Variants in ZACN observed in about 807,000 individuals in gnomAD.
ZACN encodes the protein ligand-gated cation channel ZACN.
In ZACN, 52 loss-of-function variants were observed where a neutral mutation model predicts 38.9. The observed-to-expected ratio is 1.34, with a 90% CI of 1.07 to 1.68. The LOEUF (loss-of-function observed/expected upper bound fraction) is 1.68. ZACN is among the 40% of genes most tolerant of loss of function. The pLI is 0.00. For synonymous variants in ZACN, 235 were observed against 227.4 expected, an observed-to-expected ratio of 1.03 and a Z score of -0.30; for missense variants, 559 against 525.6, an observed-to-expected ratio of 1.06 and a Z score of -0.62.
intron 8 of ZACN, 69 bp downstream of exon 8, chr17:76,082,118 G>T: frequency 3.3e-6 from 5 of 1,510,592 alleles, no homozygotes; most frequent in Non-Finnish European, 4.4e-6. Flanking sequence ...AGGGCACGGA[G>T]GTCCAGGTGT....
Position 76,081,933 on chromosome 17 carries a change from CTG to C in ZACN, c.935_936del (p.Val312AlafsTer37), listed in dbSNP as rs2066998004. ...CTGCTCTTCCTCAGCACCATAGAGA[CTG>C]TGCTGCTGGCTGGGCTGCTGGCCCG... On this transcript the variant is annotated frameshift_variant, in exon 8 of 9. Coordinates refer to ENST00000334586, the MANE Select transcript of ZACN (RefSeq NM_180990.4). LOFTEE classifies it high-confidence loss of function. The C allele has an allele frequency of 1.9e-6, 3 of 1,613,372 alleles. No homozygotes were observed. The highest frequency in any genetic ancestry group is 1.1e-5 in the South Asian group (1 of 91,058).
In ZACN at chr17:76,079,973, C is replaced by T; in HGVS notation, c.353C>T (p.Pro118Leu). The change falls in exon 4 of 9, where the codon CCA (proline) becomes CTA (leucine). Residue 118 changes from proline to leucine, a missense_variant. Coordinates refer to ENST00000334586, the MANE Select transcript of ZACN (RefSeq NM_180990.4). ...ITLPWESLWT[P>L]RLTILEALWV... ...CTGCCCTGGGAGTCTCTCTGGACAC[C>T]AAGGCTCACCATCCTGGAGGCGTAA... is the stretch of plus-strand genomic sequence containing the variant. 6.3e-7 allele frequency: 1 copy of T among 1,588,252 alleles called. No homozygotes were observed. Among genetic ancestry groups the T allele is most frequent in the Non-Finnish European group, 8.6e-7 (1 of 1,167,504 alleles).
In ZACN at chr17:76,082,773, C is replaced by T; in HGVS notation, c.*120C>T. 2 of 987,742 alleles carry T rather than the reference C, an allele frequency of 2.0e-6. No homozygotes were observed. Among genetic ancestry groups the T allele is most frequent in the South Asian group, 1.9e-5 (1 of 51,362 alleles). 61.2% of individuals were successfully genotyped at this position (987,742 alleles called of 1,614,324 possible). ...AGCTCTCCCTCCGCTAGCACACAAG[C>T]ACAGAGCGTGAAATAAACCCATCTC... On this transcript the variant is annotated 3_prime_UTR_variant, in exon 9 of 9. Transcript: ENST00000334586.
At chr17:76,082,440 T>C (rs755964296) in intron 8 of ZACN, 23 bp from the exon 9 acceptor site, 5 of 1,579,206 alleles carry the variant, frequency 3.2e-6, no homozygotes, top group Non-Finnish European at 1.7e-6. Context: ...GAACAGCTCC[T>C]TTCCCTGTAT....
intron 5 of ZACN, chr17:76,081,069 G>T: frequency 1.7e-6 from 1 of 584,884 alleles, no homozygotes. Context: ...CTATGAATCT[G>T]ATAAAGGCCT....
intron 5 of ZACN, 78 bp downstream of exon 5, chr17:76,080,502 C>G: frequency 6.4e-7 from 1 of 1,573,036 alleles, no homozygotes; most frequent in East Asian, 2.3e-5. Flanking sequence ...GTCTGTGGTG[C>G]AGGGGCAGGG....
In ZACN at chr17:76,079,700, A is replaced by G; in HGVS notation, c.223-2A>G. The G allele has an allele frequency of 1.2e-6, 2 of 1,613,368 alleles. No individual in the cohort carries two copies. The highest frequency in any genetic ancestry group is 1.3e-5 in the African/African-American group (1 of 75,026). ...TGAGGTGATGCATTGCCCTTCCCCC[A>G]GGACATCCTGCGATACACAATGTCC... On this transcript the variant is annotated splice_acceptor_variant, in intron 2 of 8. Transcript: ENST00000334586. LOFTEE classifies it high-confidence loss of function.
rs1046962503 is a variant in ZACN, at chr17:76,082,595, G to GC, written c.1182dup (p.Lys395GlnfsTer3). 1.2e-6 allele frequency: 2 copies of GC among 1,613,474 alleles called. No individual in the cohort carries two copies. The highest frequency in any genetic ancestry group is 1.7e-6 in the Non-Finnish European group (2 of 1,179,922). On this transcript the variant is annotated frameshift_variant, in exon 9 of 9. Transcript: ENST00000334586. LOFTEE classifies it low-confidence loss of function (END_TRUNC). ...GCAGGAATCTGGATGTGGGCAGCGT[G>GC]CAAGTCTGACGCAGCCCCTGGAGAG...
At chr17:76,081,224 T>C in intron 5 of ZACN, 54 bp from the exon 6 acceptor site, 2 of 1,605,786 alleles carry the variant, frequency 1.2e-6, no homozygotes, top group Non-Finnish European at 1.7e-6. Context: ...ACCCCCAGAC[T>C]TGGCAGCTGG....
chr17:76,079,802 G>C (rs760047265), intron 3 of ZACN, 56 bp downstream of exon 3: 153 of 1,606,238 alleles, frequency 9.5e-5, no homozygotes, highest in Non-Finnish European at 1.2e-4. Context: ...GTCCAGCTCA[G>C]AACTACCAGC....
At chr17:76,080,166 A>G in intron 4 of ZACN, 89 bp from the exon 5 acceptor site, 1 of 1,499,556 alleles carries the variant, frequency 6.7e-7, no homozygotes, top group South Asian at 1.3e-5. Flanking sequence ...CTCTGAAAGC[A>G]GCTGGGGTTG....
chr17:76,080,168 C>CTGGGGT, intron 4 of ZACN, 87 bp from the exon 5 acceptor site: 2 of 1,501,936 alleles, frequency 1.3e-6, no homozygotes, highest in African/African-American at 1.4e-5. Flanking sequence ...CTGAAAGCAG[C>CTGGGGT]TGGGGTTGGG....
Position 76,080,324 on chromosome 17 carries a change from C to T in ZACN, c.444C>T (p.Asn148=), listed in dbSNP as rs755403154. The T allele has an allele frequency of 6.2e-6, 10 of 1,613,938 alleles. No individual in the cohort carries two copies. The South Asian group carries it at 6.6e-5, about 11-fold the overall frequency. The change falls in exon 5 of 9, where the codon AAC becomes AAT. Residue 148 remains asparagine (N), a synonymous_variant. Transcript: ENST00000334586. ...ACCAGGACGGCCACGTGAAGCTCAA[C>T]CTGGCCCTCGCCACGGAGACCAACT... ...RVDQDGHVKL[N]LALATETNCN...
chr17:76,080,512 G>C (rs1274037277), intron 5 of ZACN, 88 bp downstream of exon 5: 1 of 1,551,940 alleles, frequency 6.4e-7, no homozygotes, highest in South Asian at 1.1e-5. Context: ...CAGGGGCAGG[G>C]TGCGGGGCAA....
At chr17:76,082,086 G>A in intron 8 of ZACN, 37 bp downstream of exon 8, 1 of 1,561,002 alleles carries the variant, frequency 6.4e-7, no homozygotes, top group Non-Finnish European at 8.6e-7. Flanking sequence ...TGAGGCCTAG[G>A]TGCACACCTA....
intron 4 of ZACN, 93 bp downstream of exon 4, chr17:76,080,087 C>T: frequency 6.8e-7 from 1 of 1,477,946 alleles, no homozygotes; most frequent in Non-Finnish European, 9.2e-7. Context: ...TGAATATGAC[C>T]CTCCTGGCGG....
At position 76,079,560 on chromosome 17, in the gene ZACN, TGTG is replaced by T. The variant is rs1567943718; in HGVS notation, c.222_222+2del. On this transcript the variant is annotated inframe_deletion and splice_region_variant, in exon 2 of 9. Coordinates refer to ENST00000334586, the MANE Select transcript of ZACN (RefSeq NM_180990.4). ...GGGTGTTTGTCTCCAACGTGTTTAA[TGTG>T]GTAAGTGCCTCTAGGCCAAGGGCCC... is the stretch of plus-strand genomic sequence containing the variant. 1.2e-6 allele frequency: 2 copies of T among 1,614,054 alleles called. No individual in the cohort carries two copies. Among genetic ancestry groups the T allele is most frequent in the African/African-American group, 2.7e-5 (2 of 74,906 alleles).
chr17:76,079,599 G>C, intron 2 of ZACN, 36 bp downstream of exon 2: 1 of 1,613,904 alleles, frequency 6.2e-7, no homozygotes, highest in Middle Eastern at 1.6e-4. Context: ...CAAGTGCTGA[G>C]CTGGGCAGGG....
intron 8 of ZACN, 67 bp from the exon 9 acceptor site, chr17:76,082,396 T>C: frequency 6.8e-7 from 1 of 1,462,286 alleles, no homozygotes; most frequent in Non-Finnish European, 9.2e-7. Flanking sequence ...ACCCCTGGGG[T>C]TCGCTCTTCC....
Sources: gnomAD v4.1 joint callset for allele counts on GRCh38, gnomAD v4.1.1 for gene constraint, MANE v1.5 for transcripts, NCBI Gene and HGNC (gene_info 2026-07-23, HGNC 2026-07-21) for gene names.